MCF2L2: variants seen among roughly 807,000 people sequenced by gnomAD.
MCF2L2 encodes the protein MCF.2 cell line derived transforming sequence-like 2.
In MCF2L2, 102 loss-of-function variants were observed where a neutral mutation model predicts 150.2. That is an observed-to-expected ratio of 0.68 (90% CI 0.58 to 0.80). The LOEUF (loss-of-function observed/expected upper bound fraction) is 0.80, where lower values mean the gene tolerates loss of function less well. MCF2L2 is among the 30% of genes least tolerant of loss of function. The probability of loss-of-function intolerance (pLI) is 0.00; values close to 1 mark genes in which losing one functional copy is unlikely to be tolerated. For synonymous variants in MCF2L2, 465 were observed against 491.3 expected (o/e 0.95, Z 0.71); for missense variants, 1,256 against 1,372.8 (o/e 0.91, Z 1.34).
At chr3:183,317,680 G>A (rs1441354382) in intron 7 of MCF2L2, among the ~76,000 whole-genome samples, 1 of 152,126 alleles carries the variant, frequency 6.6e-6, no homozygotes, top group Non-Finnish European at 1.5e-5. Context: ...CCCTACCCCT[G>A]CAATTTCAGC....
At chr3:183,203,974 A>T (rs1396542629) in intron 25 of MCF2L2, among the ~76,000 whole-genome samples, 1 of 152,220 alleles carries the variant, frequency 6.6e-6, no homozygotes, top group African/African-American at 2.4e-5. Flanking sequence ...CTATACCTAA[A>T]GCCAATTTAT....
chr3:183,415,939 T>A (rs376423991), intron 1 of MCF2L2, among the ~76,000 whole-genome samples: 1 of 152,170 alleles, frequency 6.6e-6, no homozygotes, highest in South Asian at 2.1e-4. Context: ...CTATATCTCA[T>A]ATTTTTTCAT....
intron 27 of MCF2L2, chr3:183,192,720 G>C (rs542472781): frequency 1.7e-5 from 6 of 352,060 alleles, no homozygotes; most frequent in Non-Finnish European, 2.6e-5. Flanking sequence ...AGTTGACTAA[G>C]AGTAACTAAA....
chr3:183,245,435 G>A (rs1724206945), intron 15 of MCF2L2, among the ~76,000 whole-genome samples: 1 of 152,136 alleles, frequency 6.6e-6, no homozygotes, highest in South Asian at 2.1e-4. Flanking sequence ...AGCAGAGTTT[G>A]GATGGGGGCT....
chr3:183,212,923 G>A (rs1007694139), intron 22 of MCF2L2, among the ~76,000 whole-genome samples: 2 of 126,168 alleles, frequency 1.6e-5, no homozygotes, highest in Admixed American at 9.7e-5. Context: ...CTTACTCCCG[G>A]CAACCGCCTG....
Position 183,309,749 on chromosome 3 carries a change from A to G in MCF2L2, c.1080T>C (p.Leu360=). Residue 360 remains leucine, a synonymous_variant, in exon 10 of 30, where the codon CTT becomes CTC. Transcript: ENST00000328913. ...GDSVMHVEQI[L]KEHKKLEEKS... is the part of the protein sequence containing the mutation. ...TTTCCTCCAGTTTTTTGTGTTCCTTAAGAATCTGCTCCACGTGCATCACGC... is the reference window on the plus strand; with the variant it reads ...TTTCCTCCAGTTTTTTGTGTTCCTTGAGAATCTGCTCCACGTGCATCACGC... The G allele has an allele frequency of 3.1e-6, 5 of 1,613,966 alleles. No individual in the cohort carries two copies. Among genetic ancestry groups the G allele is most frequent in the Non-Finnish European group, 4.2e-6 (5 of 1,180,008 alleles).
chr3:183,370,356 T>C (rs6778656), intron 3 of MCF2L2, among the ~76,000 whole-genome samples: 7 of 152,148 alleles, frequency 4.6e-5, no homozygotes, highest in Non-Finnish European at 5.9e-5. Flanking sequence ...GGCCGAGCAA[T>C]GCCCGGGTGG....
At chr3:183,184,844 A>G (rs1721640574) in intron 27 of MCF2L2, among the ~76,000 whole-genome samples, 1 of 152,150 alleles carries the variant, frequency 6.6e-6, no homozygotes, top group African/African-American at 2.4e-5. Flanking sequence ...CTCAATCCAT[A>G]GATATTAAAT....
chr3:183,207,520 C>T lies in MCF2L2; in HGVS notation c.2712+88G>A, dbSNP rs559850614. 8 of 1,028,708 alleles carry T rather than the reference C, an allele frequency of 7.8e-6. No homozygotes were observed. In the African/African-American group the frequency reaches 1.3e-4, roughly 16 times the overall value. The allele number at this position is 1,028,708 out of a possible 1,614,324, so 63.7% of individuals were successfully genotyped here. On this transcript the variant is annotated intron_variant, in intron 23 of 29. Transcript: ENST00000328913. The stretch of plus-strand genomic sequence containing the variant: ...GGCAAGTTAACTTCACCTCTCTACA[C>T]TGCAGCTTCCTCATCTGTAAAATAA...
At chr3:183,240,950 T>C (rs1293285450) in intron 15 of MCF2L2, among the ~76,000 whole-genome samples, 1 of 152,256 alleles carries the variant, frequency 6.6e-6, no homozygotes, top group Non-Finnish European at 1.5e-5. Flanking sequence ...CAGACATGTA[T>C]TGATGCCCTA....
intron 1 of MCF2L2, among the ~76,000 whole-genome samples, chr3:183,414,041 C>T (rs67915160): frequency 0.1 from 15,309 of 152,100 alleles, 838 homozygotes; most frequent in African/African-American, 0.15. Context: ...AGTTTGCTTT[C>T]CTGTTGCATT....
chr3:183,352,502 G>A (rs892297929), intron 3 of MCF2L2, among the ~76,000 whole-genome samples: 1 of 152,146 alleles, frequency 6.6e-6, no homozygotes, highest in African/African-American at 2.4e-5. Flanking sequence ...CGGCCTGGGC[G>A]ATAGAGAGAG....
intron 8 of MCF2L2, 83 bp from the exon 9 acceptor site, chr3:183,311,112 G>A (rs1729358143): frequency 1.3e-6 from 1 of 754,588 alleles, no homozygotes; most frequent in Non-Finnish European, 2.3e-6. Context: ...TAGAACACCT[G>A]TGTCTTCGGT....
chr3:183,356,393 G>A (rs1465761813), intron 3 of MCF2L2, among the ~76,000 whole-genome samples: 1 of 152,082 alleles, frequency 6.6e-6, no homozygotes, highest in Non-Finnish European at 1.5e-5. Flanking sequence ...TGCACCTGTA[G>A]TCCCAGCTAC....
chr3:183,289,046 G>T, intron 14 of MCF2L2, 74 bp downstream of exon 14: 1 of 985,322 alleles, frequency 1.0e-6, no homozygotes, highest in Non-Finnish European at 1.6e-6. Context: ...ACAATTTGTT[G>T]ATTTATTGAT....
At chr3:183,256,955 CCCTTAGCCATCAGATCAGTATTTTTA>C (rs1302455038) in intron 15 of MCF2L2, among the ~76,000 whole-genome samples, 1 of 152,106 alleles carries the variant, frequency 6.6e-6, no homozygotes, top group Admixed American at 6.5e-5. Context: ...TGTTAAATGG[CCCTTAGCCATCAGATCAGTATTTTTA>C]AAAACTCCTA....
chr3:183,341,482 T>C, intron 4 of MCF2L2, 58 bp downstream of exon 4: 5 of 1,348,916 alleles, frequency 3.7e-6, no homozygotes, highest in Non-Finnish European at 5.3e-6. Context: ...TGATATGAAA[T>C]AGTTGAACAG....
intron 15 of MCF2L2, among the ~76,000 whole-genome samples, chr3:183,233,446 T>C (rs1255126171): frequency 6.6e-6 from 1 of 151,984 alleles, no homozygotes; most frequent in East Asian, 1.9e-4. Context: ...TACATACATA[T>C]AATGATGAAA....
intron 5 of MCF2L2, among the ~76,000 whole-genome samples, chr3:183,327,035 T>C (rs1730071962): frequency 6.6e-6 from 1 of 151,894 alleles, no homozygotes; most frequent in South Asian, 2.1e-4. Context: ...TATTAAAAAA[T>C]AAATAAATAG....
Sources: gnomAD v4.1 joint callset for allele counts (sites outside exome capture counted in the v4.1 genomes callset) on GRCh38, gnomAD v4.1.1 for gene constraint, MANE v1.5 for transcripts, NCBI Gene and HGNC (gene_info 2026-07-23, HGNC 2026-07-21) for gene names.